Variants in TAS2R1 observed in about 807,000 individuals in gnomAD.
TAS2R1 encodes taste 2 receptor member 1, also known as taste receptor type 2 member 1.
For synonymous variants in TAS2R1, 141 were observed against 134.2 expected (o/e 1.05, Z -0.35); for missense variants, 370 against 353.4 (o/e 1.05, Z -0.38).
the TAS2R1 span, among the ~76,000 whole-genome samples, chr5:9,830,269 TTAGA>T: frequency 2.6e-5 from 4 of 151,416 alleles, no homozygotes; most frequent in Admixed American, 6.6e-5. Flanking sequence ...ACATAGATAG[TTAGA>T]TATAGACAGA....
chr5:9,830,602 C>T, the TAS2R1 span, among the ~76,000 whole-genome samples: 4 of 66,796 alleles, frequency 6.0e-5, no homozygotes, highest in South Asian at 8.1e-4. Flanking sequence ...GACACGTGCG[C>T]GCGCACACAC....
chr5:9,796,389 G>T, the TAS2R1 span, among the ~76,000 whole-genome samples: 9 of 152,120 alleles, frequency 5.9e-5, no homozygotes, highest in Admixed American at 1.3e-4. Context: ...AGAACCTATA[G>T]CTTCAGGGTA....
the TAS2R1 span, among the ~76,000 whole-genome samples, chr5:9,878,374 C>T: frequency 6.6e-6 from 1 of 152,156 alleles, no homozygotes; most frequent in Non-Finnish European, 1.5e-5. Context: ...GAGGATTCAT[C>T]CTGATCATCT....
the TAS2R1 span, among the ~76,000 whole-genome samples, chr5:9,724,636 C>G: frequency 1.3e-5 from 2 of 152,226 alleles, no homozygotes; most frequent in South Asian, 4.1e-4. Context: ...ACGGTAATAA[C>G]TGACAAATCT....
the TAS2R1 span, among the ~76,000 whole-genome samples, chr5:9,877,330 G>GA: frequency 0.019 from 2,907 of 152,120 alleles, 78 homozygotes; most frequent in African/African-American, 0.063. Context: ...TTCCTTTCCA[G>GA]AAAAAGAAGA....
At chr5:9,702,362 G>GT (rs1477133038) in intron 1 of TAS2R1, among the ~76,000 whole-genome samples, 1 of 152,146 alleles carries the variant, frequency 6.6e-6, no homozygotes, top group Admixed American at 6.5e-5. Flanking sequence ...TATCACACTG[G>GT]TTGGGGGAGA....
chr5:9,774,025 C>A, the TAS2R1 span, among the ~76,000 whole-genome samples: 1 of 152,018 alleles, frequency 6.6e-6, no homozygotes, highest in Non-Finnish European at 1.5e-5. Context: ...TCTCTTTTTC[C>A]ACCTCCTCTT....
chr5:9,697,294 C>T (rs1741380816), intron 1 of TAS2R1, among the ~76,000 whole-genome samples: 1 of 152,122 alleles, frequency 6.6e-6, no homozygotes, highest in East Asian at 1.9e-4. Flanking sequence ...GTTCAAAATA[C>T]TGCATCTGAT....
chr5:9,752,848 T>C, the TAS2R1 span, among the ~76,000 whole-genome samples: 1 of 152,190 alleles, frequency 6.6e-6, no homozygotes. Context: ...GGTTTCCAGC[T>C]TCATCCATGT....
At chr5:9,843,740 C>A in the TAS2R1 span, among the ~76,000 whole-genome samples, 8 of 152,296 alleles carry the variant, frequency 5.3e-5, no homozygotes, top group South Asian at 1.5e-3. Context: ...CAGAATATGA[C>A]CCCAGTAGCA....
the TAS2R1 span, among the ~76,000 whole-genome samples, chr5:9,822,203 A>G: frequency 6.6e-6 from 1 of 151,892 alleles, no homozygotes; most frequent in East Asian, 1.9e-4. Flanking sequence ...ATCTTACTCA[A>G]TTTTCTGATA....
At chr5:9,864,065 T>C in the TAS2R1 span, among the ~76,000 whole-genome samples, 2 of 152,206 alleles carry the variant, frequency 1.3e-5, no homozygotes, top group Non-Finnish European at 2.9e-5. Flanking sequence ...TGAATACAAG[T>C]AGGCCAACAA....
At chr5:9,821,871 G>T in the TAS2R1 span, among the ~76,000 whole-genome samples, 1 of 152,320 alleles carries the variant, frequency 6.6e-6, no homozygotes, top group East Asian at 1.9e-4. Context: ...CCTGGGGAAA[G>T]ATATTAAAAT....
intron 1 of TAS2R1, among the ~76,000 whole-genome samples, chr5:9,661,193 C>T (rs2126495594): frequency 6.6e-6 from 1 of 152,326 alleles, no homozygotes; most frequent in East Asian, 1.9e-4. Context: ...TAATTAAAAC[C>T]TTACCACTTT....
At chr5:9,812,623 C>A in the TAS2R1 span, among the ~76,000 whole-genome samples, 1 of 152,298 alleles carries the variant, frequency 6.6e-6, no homozygotes, top group African/African-American at 2.4e-5. Context: ...GCTGCTCAGT[C>A]ACCACTATTT....
At chr5:9,780,340 T>C in the TAS2R1 span, among the ~76,000 whole-genome samples, 3 of 152,324 alleles carry the variant, frequency 2.0e-5, no homozygotes, top group South Asian at 6.2e-4. Context: ...CACTGAAAGG[T>C]TCCCTACTAC....
rs186705270 is a variant in TAS2R1, at chr5:9,705,865, C to G, written c.-242+6307G>C. ...AGACAAGAGTGAAACTCCATCCCCC[C>G]CCAAAAAAAGACTTTTAGTGCTAAA... On this transcript the variant is annotated intron_variant, in intron 1 of 2. Transcript: ENST00000506620. Among the ~76,000 whole-genome samples, 1,081 of 151,906 alleles carry G rather than the reference C, an allele frequency of 7.1e-3. 10 individuals are homozygous for G. The highest frequency in any genetic ancestry group is 0.024 in the African/African-American group (1,014 of 41,440).
chr5:9,860,322 T>C, the TAS2R1 span, among the ~76,000 whole-genome samples: 1 of 152,322 alleles, frequency 6.6e-6, no homozygotes. Flanking sequence ...CCTCTCAGCC[T>C]GTGCTGCCTC....
chr5:9,639,090 T>C (rs1404055290), intron 2 of TAS2R1, among the ~76,000 whole-genome samples: 1 of 152,208 alleles, frequency 6.6e-6, no homozygotes, highest in Non-Finnish European at 1.5e-5. Flanking sequence ...TGCTTGCTTA[T>C]GCCTGCAGCA....
Sources: gnomAD v4.1 joint callset for allele counts (sites outside exome capture counted in the v4.1 genomes callset) on GRCh38, gnomAD v4.1.1 for gene constraint, MANE v1.5 for transcripts, NCBI Gene and HGNC (gene_info 2026-07-23, HGNC 2026-07-21) for gene names.